The following CLIC4 variants were observed in gnomAD, a reference collection of about 807,000 sequenced individuals.
CLIC4 encodes chloride intracellular channel protein 4.
A neutral mutation model predicts 24.6 loss-of-function variants in CLIC4; 13 were observed. The observed-to-expected ratio is 0.53, with a 90% confidence interval of 0.34 to 0.84. The LOEUF is 0.84. Ranked by LOEUF, CLIC4 falls within the 40% of genes least tolerant of loss-of-function variation. The pLI is 0.01. For missense variants in CLIC4, 227 were observed against 301.7 expected (o/e 0.75, Z 1.83); for synonymous variants, 104 against 111.3 (o/e 0.93, Z 0.41).
At chr1:24,806,517 A>T (rs1286478783) in intron 2 of CLIC4, among the ~76,000 whole-genome samples, 1 of 152,186 alleles carries the variant, frequency 6.6e-6, no homozygotes, top group African/African-American at 2.4e-5. Context: ...TATTTAAAAA[A>T]ATATATATAT....
At chr1:24,783,384 ATTAT>A (rs1161869678) in intron 1 of CLIC4, among the ~76,000 whole-genome samples, 4 of 152,084 alleles carry the variant, frequency 2.6e-5, no homozygotes, top group Non-Finnish European at 4.4e-5. Context: ...GACACGCCAA[ATTAT>A]TTAGTAGTAT....
intron 1 of CLIC4, among the ~76,000 whole-genome samples, chr1:24,775,224 C>CTTTTTTTTTTTTTTTTTTTGTTTTTTTTT (rs1639120139): frequency 1.1e-5 from 1 of 90,664 alleles, no homozygotes. Context: ...TTCTTTCTTT[C>CTTTTTTTTTTTTTTTTTTTGTTTTTTTTT]TTTTTTTTTT....
At position 24,745,463 on chromosome 1, in the gene CLIC4, C is replaced by A. The variant is rs933013082; in HGVS notation, c.-91C>A. On this transcript the variant is annotated 5_prime_UTR_variant, in exon 1 of 6. Coordinates refer to ENST00000374379, the MANE Select transcript of CLIC4 (RefSeq NM_013943.3). ...ACGCCGGACAGTCCAGCGAGCAGCA[C>A]GGCGGGAACCGGCAGCCGGAGCAGT... 4 of 1,220,266 alleles carry A rather than the reference C, an allele frequency of 3.3e-6. No homozygotes were observed. The African/African-American group carries it at 4.7e-5, about 14-fold the overall frequency. 75.6% of individuals were successfully genotyped at this position (1,220,266 alleles called of 1,614,324 possible). A position where few individuals can be genotyped will look rare whatever the true frequency, so the allele number is the denominator to read the frequency against.
chr1:24,830,577 A>G (rs1214349661), intron 4 of CLIC4, among the ~76,000 whole-genome samples: 1 of 152,108 alleles, frequency 6.6e-6, no homozygotes, highest in African/African-American at 2.4e-5. Context: ...TTGTTCTCCA[A>G]AAGTCTATAC....
intron 1 of CLIC4, among the ~76,000 whole-genome samples, chr1:24,753,044 T>C (rs1638796338): frequency 6.6e-6 from 1 of 152,194 alleles, no homozygotes; most frequent in African/African-American, 2.4e-5. Flanking sequence ...TTTTTAAATG[T>C]GGGCTCTATT....
Position 24,805,091 on chromosome 1 carries a change from A to AAG in CLIC4, c.182+7241_182+7242insGA, listed in dbSNP as rs1347832529. 3.6e-5 allele frequency among the ~76,000 whole-genome samples: 5 copies of AAG among 138,444 alleles called. 1 individual carries two copies. Among genetic ancestry groups the AAG allele is most frequent in the African/African-American group, 1.3e-4 (5 of 38,368 alleles). The allele number at this position is 138,444 out of a possible 152,430, so 90.8% of individuals were successfully genotyped here. On this transcript the variant is annotated intron_variant, in intron 2 of 5. Transcript: ENST00000374379. ...AACAGAGTGAGACTCCATGTCAAAA[A>AAG]AAAAAAAAAAAAAACACAAAAACAA...
intron 4 of CLIC4, among the ~76,000 whole-genome samples, chr1:24,835,747 T>TAATAGAGGTGGA (rs932453698): frequency 6.6e-6 from 1 of 152,088 alleles, no homozygotes; most frequent in African/African-American, 2.4e-5. Flanking sequence ...TATATTAAGC[T>TAATAGAGGTGGA]AATAGAGGTG....
intron 5 of CLIC4, 85 bp from the exon 6 acceptor site, chr1:24,840,688 A>T: frequency 8.8e-7 from 1 of 1,130,104 alleles, no homozygotes; most frequent in Non-Finnish European, 1.3e-6. Context: ...TTAGAGCATT[A>T]ATTATTTGCT....
chr1:24,829,147 G>A (rs1160738767), intron 4 of CLIC4, among the ~76,000 whole-genome samples: 6 of 152,138 alleles, frequency 3.9e-5, no homozygotes, highest in Admixed American at 6.5e-5. Flanking sequence ...TGAATTTGTC[G>A]TTTTACATGG....
intron 1 of CLIC4, among the ~76,000 whole-genome samples, chr1:24,760,166 G>A (rs1217713645): frequency 2.0e-5 from 3 of 152,082 alleles, no homozygotes; most frequent in African/African-American, 7.2e-5. Context: ...AGGAGTTTGA[G>A]ACAGCCTGGC....
chr1:24,835,507 G>A (rs934562438), intron 4 of CLIC4, among the ~76,000 whole-genome samples: 4 of 152,200 alleles, frequency 2.6e-5, no homozygotes, highest in South Asian at 4.1e-4. Flanking sequence ...AGGTTGCAGC[G>A]AGCTGAGATT....
At chr1:24,800,504 G>A (rs1322489872) in intron 2 of CLIC4, among the ~76,000 whole-genome samples, 1 of 151,696 alleles carries the variant, frequency 6.6e-6, no homozygotes, top group African/African-American at 2.4e-5. Flanking sequence ...GCCTCTGCCC[G>A]GCCGCCCCTA....
At chr1:24,786,807 A>G (rs945525691) in intron 1 of CLIC4, among the ~76,000 whole-genome samples, 1 of 151,902 alleles carries the variant, frequency 6.6e-6, no homozygotes, top group African/African-American at 2.4e-5. Flanking sequence ...TTTAGTAGAG[A>G]CGAGGTTTCA....
At chr1:24,785,577 G>A (rs1639256526) in intron 1 of CLIC4, among the ~76,000 whole-genome samples, 2 of 152,114 alleles carry the variant, frequency 1.3e-5, no homozygotes, top group Admixed American at 1.3e-4. Flanking sequence ...AAATAGGCTG[G>A]GCGCGGCGGC....
intron 3 of CLIC4, 90 bp downstream of exon 3, chr1:24,814,309 T>A: frequency 3.6e-6 from 5 of 1,394,344 alleles, no homozygotes; most frequent in Non-Finnish European, 4.0e-6. Flanking sequence ...GCAGCATTAA[T>A]TTGGAATGAC....
intron 1 of CLIC4, among the ~76,000 whole-genome samples, chr1:24,780,880 G>C (rs1158206714): frequency 6.6e-6 from 1 of 151,956 alleles, no homozygotes; most frequent in African/African-American, 2.4e-5. Flanking sequence ...CTGAGGTCAA[G>C]AGTTTGAGAA....
At chr1:24,748,499 G>T (rs112127232) in intron 1 of CLIC4, among the ~76,000 whole-genome samples, 5,830 of 80,668 alleles carry the variant, frequency 0.072, 316 homozygotes, top group African/African-American at 0.1. Context: ...CAGGTTTTTT[G>T]TTTTTTTTTT....
At chr1:24,820,494 A>G (rs6600258) in intron 3 of CLIC4, among the ~76,000 whole-genome samples, 148,128 of 151,676 alleles carry the variant, frequency 0.98, 72,405 homozygotes, top group East Asian at 1. Context: ...AAACTCATGG[A>G]CACAATCAGT....
intron 2 of CLIC4, among the ~76,000 whole-genome samples, chr1:24,812,135 C>A (rs1639620989): frequency 6.6e-6 from 1 of 152,102 alleles, no homozygotes; most frequent in Non-Finnish European, 1.5e-5. Context: ...TTTCTTTTGA[C>A]CCATACCTAT....
Sources: allele counts gnomAD v4.1 joint callset (sites outside exome capture counted in the v4.1 genomes callset), GRCh38; gene constraint gnomAD v4.1.1; transcripts MANE v1.5; gene names NCBI Gene and HGNC (gene_info 2026-07-23, HGNC 2026-07-21).